Variants in CELA1 observed in about 807,000 individuals in gnomAD.
CELA1 encodes the protein chymotrypsin-like elastase family member 1.
CELA1 carries 28 observed loss-of-function variants against 34.8 expected under a neutral mutation model. The ratio of observed to expected loss-of-function variants is 0.80; its 90% CI spans 0.60 to 1.10. CELA1 has a LOEUF of 1.10. Among genes scored for constraint, CELA1 ranks in the 50% least tolerant of loss-of-function variants. CELA1 has a pLI of 0.00. For missense variants in CELA1, 288 were observed against 327.5 expected (o/e 0.88, Z 0.93); for synonymous variants, 140 against 129.8 (o/e 1.08, Z -0.53).
Position 51,341,888 on chromosome 12 carries a change from G to A in CELA1, c.327-508C>T, listed in dbSNP as rs17860308. 1.8e-3 allele frequency among the ~76,000 whole-genome samples: 277 copies of A among 152,216 alleles called. 1 individual carries two copies. The highest frequency in any genetic ancestry group is 6.5e-3 in the African/African-American group (271 of 41,524). ...TAGGAAATTTACTTTTGCTGATGGAGTCTATTCTATAATGTGAATAATAAA... is the reference window on the plus strand; with the variant it reads ...TAGGAAATTTACTTTTGCTGATGGAATCTATTCTATAATGTGAATAATAAA... On this transcript the variant is annotated intron_variant, in intron 4 of 7. Transcript: ENST00000293636.
intron 6 of CELA1, among the ~76,000 whole-genome samples, chr12:51,336,677 G>T (rs1476102402): frequency 2.0e-5 from 3 of 152,146 alleles, no homozygotes; most frequent in African/African-American, 7.2e-5. Context: ...ATACCTGAAT[G>T]TCCCACTGGG....
intron 3 of CELA1, among the ~76,000 whole-genome samples, chr12:51,342,927 G>C (rs950560627): frequency 4.0e-5 from 6 of 151,748 alleles, no homozygotes; most frequent in Non-Finnish European, 8.8e-5. Flanking sequence ...CTACAGGTGT[G>C]AGCCACCGTG....
At chr12:51,341,416 C>T in intron 4 of CELA1, 36 bp from the exon 5 acceptor site, 3 of 1,612,716 alleles carry the variant, frequency 1.9e-6, no homozygotes, top group Non-Finnish European at 2.5e-6. Flanking sequence ...CTCATGGGAT[C>T]AGCTCTTCCC....
chr12:51,346,598 T>A (rs1333966687), intron 1 of CELA1, 25 bp downstream of exon 1: 3 of 1,159,546 alleles, frequency 2.6e-6, no homozygotes, highest in Non-Finnish European at 3.6e-6. Context: ...AGGACCAGGG[T>A]TGCGACTGGA....
chr12:51,343,147 C>T (rs527368315), intron 3 of CELA1, among the ~76,000 whole-genome samples: 10 of 152,144 alleles, frequency 6.6e-5, no homozygotes, highest in Admixed American at 1.3e-4. Context: ...AGGTGTAGTG[C>T]GCATAAATGA....
chr12:51,345,796 T>G lies in CELA1; in HGVS notation c.98A>C (p.Gln33Pro). 1.3e-6 allele frequency: 2 copies of G among 1,555,042 alleles called. No homozygotes were observed. Among genetic ancestry groups the G allele is most frequent in the Non-Finnish European group, 1.7e-6 (2 of 1,148,458 alleles). Residue 33 changes from glutamine to proline, a missense_variant and splice_region_variant, in exon 2 of 8, where the codon CAG (glutamine) becomes CCG (proline). Coordinates refer to ENST00000293636, the MANE Select transcript of CELA1 (RefSeq NM_001971.6). ...TEAGRNSWPS[Q>P]ISLQYRSGGS... ...CTGGGGCTGGGAAGGAACACCCACC[T>G]GAGAGGGCCAGGAATTCCTCCCGGC...
Position 51,345,821 on chromosome 12 carries a change from C to G in CELA1, c.73G>C (p.Ala25Pro). The G allele has an allele frequency of 1.3e-6, 2 of 1,558,406 alleles. No homozygotes were observed. The highest frequency in any genetic ancestry group is 1.7e-6 in the Non-Finnish European group (2 of 1,150,398). The change falls in exon 2 of 8, where the codon GCC (alanine) becomes CCC (proline). Residue 25 changes from alanine (A) to proline (P), a missense_variant. Transcript: ENST00000293636. ...TNARVVGGTE[A>P]GRNSWPSQIS... ...TGAGAGGGCCAGGAATTCCTCCCGG[C>G]CTCAGTCCCTCCGACTACGCGGGCA...
intron 6 of CELA1, among the ~76,000 whole-genome samples, chr12:51,334,625 G>A (rs997352710): frequency 2.0e-5 from 3 of 152,160 alleles, no homozygotes; most frequent in Admixed American, 6.5e-5. Flanking sequence ...TAGTAGAGAC[G>A]GGGTTTCACC....
At chr12:51,339,765 T>C (rs1443117523) in intron 6 of CELA1, 95 bp downstream of exon 6, 1 of 1,284,958 alleles carries the variant, frequency 7.8e-7, no homozygotes, top group Non-Finnish European at 1.1e-6. Flanking sequence ...TGTGTAGGAC[T>C]AAGAGTAAGT....
chr12:51,333,069 A>G (rs902138596), intron 6 of CELA1, among the ~76,000 whole-genome samples: 8 of 150,406 alleles, frequency 5.3e-5, no homozygotes, highest in Non-Finnish European at 3.0e-5. Flanking sequence ...AGCTGGGAGT[A>G]TAGATGTGTA....
At chr12:51,346,335 G>C (rs1946564907) in intron 1 of CELA1, among the ~76,000 whole-genome samples, 1 of 152,036 alleles carries the variant, frequency 6.6e-6, no homozygotes, top group African/African-American at 2.4e-5. Flanking sequence ...GAAGCCCAGG[G>C]ACCCACCCCA....
chr12:51,336,722 C>T (rs886506543), intron 6 of CELA1, among the ~76,000 whole-genome samples: 7 of 152,200 alleles, frequency 4.6e-5, no homozygotes, highest in Non-Finnish European at 1.0e-4. Flanking sequence ...CCAAACTCAT[C>T]ATCTTCTCTC....
chr12:51,346,567 C>T (rs1946566191), intron 1 of CELA1, 56 bp downstream of exon 1: 2 of 1,536,142 alleles, frequency 1.3e-6, no homozygotes, highest in African/African-American at 1.4e-5. Context: ...GACCTCAGGC[C>T]ACATGATCCA....
chr12:51,329,843 G>T lies in CELA1; in HGVS notation c.610-10C>A. 1.3e-6 allele frequency: 2 copies of T among 1,592,148 alleles called. No homozygotes were observed. Among genetic ancestry groups the T allele is most frequent in the South Asian group, 1.1e-5 (1 of 88,002 alleles). On this transcript the variant is annotated splice_polypyrimidine_tract_variant and intron_variant, in intron 6 of 7. Transcript: ENST00000293636. ...GGCCCCCAGAGTCACCCTGCAGGGA[G>T]GAGAAACAGAATCCTAAAACTCCAG...
chr12:51,332,644 C>T (rs1306355817), intron 6 of CELA1, among the ~76,000 whole-genome samples: 2 of 151,990 alleles, frequency 1.3e-5, no homozygotes, highest in African/African-American at 4.8e-5. Context: ...GTGGGTGGAT[C>T]ACGTGACGCC....
intron 6 of CELA1, among the ~76,000 whole-genome samples, chr12:51,333,410 T>TG (rs1165462117): frequency 1.3e-5 from 2 of 149,878 alleles, no homozygotes; most frequent in South Asian, 2.1e-4. Context: ...TTTTTGTTTT[T>TG]TTTTTTTTAA....
chr12:51,334,249 T>C (rs975373472), intron 6 of CELA1, among the ~76,000 whole-genome samples: 1 of 152,178 alleles, frequency 6.6e-6, no homozygotes, highest in African/African-American at 2.4e-5. Context: ...TAGGTGAAGC[T>C]GGCTGATGAA....
chr12:51,339,855 T>A lies in CELA1; in HGVS notation c.609+5A>T. 1.2e-6 allele frequency: 2 copies of A among 1,606,506 alleles called. No homozygotes were observed. Among genetic ancestry groups the A allele is most frequent in the East Asian group, 4.5e-5 (2 of 44,794 alleles). On this transcript the variant is annotated splice_donor_5th_base_variant and intron_variant, in intron 6 of 7. Transcript: ENST00000293636. ...CCTGGGGTGGGACCCCCTGCAAATG[T>A]TCACCTGGCATCCAGAGCGAACTCC...
chr12:51,340,080 C>A, intron 5 of CELA1, 75 bp from the exon 6 acceptor site: 1 of 1,365,322 alleles, frequency 7.3e-7, no homozygotes, highest in Non-Finnish European at 1.0e-6. Flanking sequence ...CCTGCCACAC[C>A]TTCCCAAACT....
Sources: allele counts gnomAD v4.1 joint callset (sites outside exome capture counted in the v4.1 genomes callset), GRCh38; gene constraint gnomAD v4.1.1; transcripts MANE v1.5; gene names NCBI Gene and HGNC (gene_info 2026-07-23, HGNC 2026-07-21).